The following LHPP variants were observed in gnomAD, a reference collection of about 807,000 sequenced individuals.
LHPP encodes the protein phospholysine phosphohistidine inorganic pyrophosphate phosphatase, also known as hLHPP.
A neutral mutation model predicts 30.3 loss-of-function variants in LHPP; 24 were observed. That is an observed-to-expected ratio of 0.79 (90% CI 0.57 to 1.11). LHPP has a LOEUF of 1.11. Ranked by LOEUF, LHPP falls within the 50% of genes most tolerant of loss-of-function variation. The probability of loss-of-function intolerance (pLI) is 0.00; values close to 1 mark genes in which losing one functional copy is unlikely to be tolerated. For missense variants in LHPP, 356 were observed against 367.2 expected (o/e 0.97, Z 0.25); for synonymous variants, 150 against 157.1 (o/e 0.95, Z 0.34).
At chr10:124,595,599 T>G (rs1480437090) in intron 6 of LHPP, among the ~76,000 whole-genome samples, 2 of 152,160 alleles carry the variant, frequency 1.3e-5, no homozygotes, top group African/African-American at 4.8e-5. Flanking sequence ...AAAGCTAAGT[T>G]TTTTCGCTCA....
rs1424402670 is a variant in LHPP, at chr10:124,496,519, C to T, written c.468-442C>T. On this transcript the variant is annotated intron_variant, in intron 3 of 6. Transcript: ENST00000368842. The surrounding 1 kb of genome is among the most constrained non-coding windows in gnomAD (Gnocchi z 4.3). ...GGTGCTGTGGAACTAATGGAGTTCT[C>T]TTCTTCAGCCAGCAATTAGGGGTTA... Among the ~76,000 whole-genome samples, 2 of 152,214 alleles carry T rather than the reference C, an allele frequency of 1.3e-5. No individual in the cohort carries two copies. The highest frequency in any genetic ancestry group is 2.9e-5 in the Non-Finnish European group (2 of 68,026).
intron 6 of LHPP, among the ~76,000 whole-genome samples, chr10:124,604,260 G>A (rs985753855): frequency 2.6e-5 from 4 of 152,158 alleles, no homozygotes; most frequent in East Asian, 1.9e-4. Flanking sequence ...CAGCTACCCC[G>A]TAAGGAGGCC....
At chr10:124,536,776 T>A (rs1337328430) in intron 6 of LHPP, among the ~76,000 whole-genome samples, 1 of 152,116 alleles carries the variant, frequency 6.6e-6, no homozygotes, top group Non-Finnish European at 1.5e-5. Context: ...GATACTTAAA[T>A]TCCCTGCGGC....
At chr10:124,481,543 AT>A (rs199632569) in intron 1 of LHPP, among the ~76,000 whole-genome samples, 1 of 151,248 alleles carries the variant, frequency 6.6e-6, no homozygotes, top group East Asian at 1.9e-4. Context: ...CACCTGGCTA[AT>A]TTTTTTTGGT....
chr10:124,557,599 CA>C (rs1299111704), intron 6 of LHPP, among the ~76,000 whole-genome samples: 4 of 152,152 alleles, frequency 2.6e-5, no homozygotes, highest in Non-Finnish European at 5.9e-5. Context: ...AATCACAGTC[CA>C]CTTGGAAAAT....
intron 6 of LHPP, among the ~76,000 whole-genome samples, chr10:124,553,583 C>T (rs1184379231): frequency 2.0e-5 from 3 of 151,702 alleles, no homozygotes; most frequent in Non-Finnish European, 4.4e-5. Context: ...CTCAGCCTCC[C>T]GAGTAGCTGG....
At chr10:124,507,800 G>A (rs372199690) in intron 5 of LHPP, among the ~76,000 whole-genome samples, 32 of 80,018 alleles carry the variant, frequency 4.0e-4, no homozygotes, top group East Asian at 8.5e-4. Flanking sequence ...TCAGGTGGGG[G>A]GGGTAGGGAG....
At chr10:124,486,107 T>G (rs1295442063) in intron 2 of LHPP, among the ~76,000 whole-genome samples, 1 of 152,238 alleles carries the variant, frequency 6.6e-6, no homozygotes, top group Non-Finnish European at 1.5e-5. Context: ...TTTTCCTGTT[T>G]GATGTAAAAT....
At chr10:124,522,904 A>AGCC (rs1954644153) in intron 6 of LHPP, among the ~76,000 whole-genome samples, 1 of 152,110 alleles carries the variant, frequency 6.6e-6, no homozygotes, top group Non-Finnish European at 1.5e-5. Flanking sequence ...GAGAAGGAAG[A>AGCC]GCCGCTGGCA....
intron 2 of LHPP, among the ~76,000 whole-genome samples, chr10:124,487,072 G>C (rs1268825685): frequency 6.6e-6 from 1 of 152,220 alleles, no homozygotes; most frequent in Non-Finnish European, 1.5e-5. Flanking sequence ...CAGCAGTGTT[G>C]TTCATTTTTA....
At chr10:124,538,091 A>G (rs934475236) in intron 6 of LHPP, among the ~76,000 whole-genome samples, 4 of 144,630 alleles carry the variant, frequency 2.8e-5, no homozygotes, top group Admixed American at 2.7e-4. Context: ...GGGGCCCGCC[A>G]TGCGGGGTCA....
chr10:124,597,210 C>A (rs376091304), intron 6 of LHPP, among the ~76,000 whole-genome samples: 1 of 152,204 alleles, frequency 6.6e-6, no homozygotes, highest in African/African-American at 2.4e-5. Flanking sequence ...CCCCAGCTTG[C>A]GTACGGTCTG....
chr10:124,476,928 C>T (rs11245098), intron 1 of LHPP, among the ~76,000 whole-genome samples: 20,937 of 152,178 alleles, frequency 0.14, 1,848 homozygotes, highest in Non-Finnish European at 0.19. Context: ...ATTTCAAGGC[C>T]GGGTGCCGGT....
At chr10:124,481,392 T>A (rs1015521685) in intron 1 of LHPP, among the ~76,000 whole-genome samples, 1 of 95,562 alleles carries the variant, frequency 1.0e-5, no homozygotes, top group African/African-American at 2.9e-5. Flanking sequence ...TTTTTTTTTT[T>A]TTGCGACAGA....
At chr10:124,465,373 A>G (rs1288705460) in intron 1 of LHPP, among the ~76,000 whole-genome samples, 1 of 152,294 alleles carries the variant, frequency 6.6e-6, no homozygotes, top group East Asian at 1.9e-4. Flanking sequence ...AAGACTCTAG[A>G]TAGGCATATC....
At chr10:124,562,061 C>T (rs538648438) in intron 6 of LHPP, among the ~76,000 whole-genome samples, 81 of 152,302 alleles carry the variant, frequency 5.3e-4, no homozygotes, top group African/African-American at 1.9e-3. Flanking sequence ...GATCCCAGCA[C>T]TTTGGGAGGC....
chr10:124,469,295 C>G (rs1203958466), intron 1 of LHPP, among the ~76,000 whole-genome samples: 1 of 152,068 alleles, frequency 6.6e-6, no homozygotes, highest in Non-Finnish European at 1.5e-5. Context: ...TCTGAGCCTG[C>G]GAGGGGCGAC....
rs527826074 is a variant in LHPP, at chr10:124,517,572, G to A, written c.716+301G>A. On this transcript the variant is annotated intron_variant, in intron 6 of 6. Transcript: ENST00000368842. This position sits in a 1 kb window ranked among gnomAD's most constrained non-coding sequence, Gnocchi z 4.1. ...CGGCGGCCCACCAGGGAGTTGGGCCGAATTTGTGCTGCTGTCCCTTTGGCA... is the reference window on the plus strand; with the variant it reads ...CGGCGGCCCACCAGGGAGTTGGGCCAAATTTGTGCTGCTGTCCCTTTGGCA... 4.6e-5 allele frequency among the ~76,000 whole-genome samples: 7 copies of A among 152,256 alleles called. No individual in the cohort carries two copies. The South Asian group carries it at 1.5e-3, about 32-fold the overall frequency.
intron 6 of LHPP, among the ~76,000 whole-genome samples, chr10:124,601,682 A>T (rs1949023767): frequency 6.6e-6 from 1 of 152,216 alleles, no homozygotes; most frequent in Non-Finnish European, 1.5e-5. Flanking sequence ...CCACCTGGCT[A>T]AACCCAGCCG....
Sources: allele counts gnomAD v4.1 joint callset (sites outside exome capture counted in the v4.1 genomes callset), GRCh38; gene constraint gnomAD v4.1.1; non-coding constraint Gnocchi (gnomAD v3.1); transcripts MANE v1.5; gene names NCBI Gene and HGNC (gene_info 2026-07-23, HGNC 2026-07-21).